The following SPTBN1 variants were observed in gnomAD, a reference collection of about 807,000 sequenced individuals.
SPTBN1 encodes spectrin beta, non-erythrocytic 1, also known as spectrin beta chain, non-erythrocytic 1.
SPTBN1 carries 32 observed loss-of-function variants against 266.4 expected under a neutral mutation model. The observed-to-expected ratio is 0.12, with a 90% CI of 0.09 to 0.16. SPTBN1 has a LOEUF of 0.16. Ranked by LOEUF, SPTBN1 falls within the 10% of genes least tolerant of loss-of-function variation. The probability of loss-of-function intolerance (pLI) is 1.00; values close to 1 mark genes in which losing one functional copy is unlikely to be tolerated. For missense variants in SPTBN1, 2,296 were observed against 3,067.1 expected, an observed-to-expected ratio of 0.75 and a Z score of 5.94; for synonymous variants, 1,336 against 1,162.2, an observed-to-expected ratio of 1.15 and a Z score of -3.04.
At chr2:54,599,497 G>T (rs1273672192) in intron 3 of SPTBN1, among the ~76,000 whole-genome samples, 1 of 152,168 alleles carries the variant, frequency 6.6e-6, no homozygotes, top group Non-Finnish European at 1.5e-5. Context: ...AAAGAACTTG[G>T]CTGGGGTTCC....
At position 54,671,016 on chromosome 2, in the gene SPTBN1, C is replaced by T. The variant is rs1681666412; in HGVS notation, c.*2447C>T. The T allele has an allele frequency of 2.6e-6, 1 of 390,226 alleles. No homozygotes were observed. The highest frequency in any genetic ancestry group is 4.5e-6 in the Non-Finnish European group (1 of 221,592). The allele number at this position is 390,226 out of a possible 1,614,324, so 24.2% of individuals were successfully genotyped here. On this transcript the variant is annotated 3_prime_UTR_variant, in exon 36 of 36. Transcript: ENST00000356805. ...TGAGGATTTTGCATATTTCTTGTTG[C>T]CATAATGCTGTGCTATTTTACCCTG...
intron 2 of SPTBN1, among the ~76,000 whole-genome samples, chr2:54,548,428 CAG>C (rs1672375521): frequency 1.3e-5 from 2 of 152,252 alleles, no homozygotes; most frequent in African/African-American, 4.8e-5. Flanking sequence ...AGAACATAAA[CAG>C]ATATCACTCA....
intron 29 of SPTBN1, among the ~76,000 whole-genome samples, chr2:54,657,646 C>G (rs771330307): frequency 9.9e-5 from 15 of 152,132 alleles, no homozygotes; most frequent in Non-Finnish European, 1.9e-4. Context: ...TTTATTTTTA[C>G]TCTTTTTAAT....
chr2:54,582,744 C>G (rs2104580755), intron 2 of SPTBN1, among the ~76,000 whole-genome samples: 1 of 152,156 alleles, frequency 6.6e-6, no homozygotes, highest in East Asian at 1.9e-4. Context: ...GGCTTGAACC[C>G]CATTTCATAT....
chr2:54,571,135 T>C (rs10166844), intron 2 of SPTBN1, among the ~76,000 whole-genome samples: 47,902 of 151,652 alleles, frequency 0.32, 9,254 homozygotes, highest in African/African-American at 0.55. Flanking sequence ...GTGGGGGTGG[T>C]CAGGAGAGCA....
intron 2 of SPTBN1, among the ~76,000 whole-genome samples, chr2:54,596,538 C>A (rs977274530): frequency 6.6e-6 from 1 of 152,098 alleles, no homozygotes; most frequent in African/African-American, 2.4e-5. Context: ...TCTTTTCCAA[C>A]GTGGGGGTGT....
intron 1 of SPTBN1, among the ~76,000 whole-genome samples, chr2:54,476,892 C>A (rs775539395): frequency 6.6e-5 from 10 of 152,090 alleles, no homozygotes; most frequent in Admixed American, 2.0e-4. Flanking sequence ...ACTTTTTCTT[C>A]ATTTAGTTGC....
At position 54,631,052 on chromosome 2, in the gene SPTBN1, A is replaced by T; in HGVS notation, c.3005A>T (p.Glu1002Val). The change falls in exon 16 of 36, where the codon GAG becomes GTG. Residue 1002 changes from glutamate (E) to valine (V), a missense_variant. Physicochemically the swap from Glu to Val is moderately radical, Grantham distance 121 (BLOSUM62 -2). Coordinates refer to ENST00000356805, the MANE Select transcript of SPTBN1 (RefSeq NM_003128.3). ...CTGCAGCGCAAGCTGACCGGCATGG[A>T]GCGGGACTTGGTGGCCATTGAGGCA... ...MALQRKLTGM[E>V]RDLVAIEAKL... is the part of the protein sequence containing the mutation. 1 of 1,613,930 alleles carries T rather than the reference A, an allele frequency of 6.2e-7. No homozygotes were observed. Among genetic ancestry groups the T allele is most frequent in the Non-Finnish European group, 8.5e-7 (1 of 1,179,854 alleles).
At chr2:54,579,520 A>G (rs940081340) in intron 2 of SPTBN1, among the ~76,000 whole-genome samples, 9 of 152,226 alleles carry the variant, frequency 5.9e-5, no homozygotes, top group Non-Finnish European at 8.8e-5. Flanking sequence ...CGCACGTGCT[A>G]TATAGCTCTC....
At chr2:54,557,581 G>T (rs554840096) in intron 2 of SPTBN1, among the ~76,000 whole-genome samples, 1 of 152,128 alleles carries the variant, frequency 6.6e-6, no homozygotes, top group African/African-American at 2.4e-5. Context: ...TTACAAATCA[G>T]AGTAGGAATT....
At chr2:54,467,271 T>C (rs1001134738) in intron 1 of SPTBN1, among the ~76,000 whole-genome samples, 3 of 152,116 alleles carry the variant, frequency 2.0e-5, no homozygotes, top group African/African-American at 4.8e-5. Flanking sequence ...TTTTTCTCTT[T>C]ATCTTATTTA....
Position 54,632,604 on chromosome 2 carries a change from G to T in SPTBN1, c.3603G>T (p.Leu1201Phe), listed in dbSNP as rs879216166. 2.5e-6 allele frequency: 4 copies of T among 1,614,194 alleles called. No individual in the cohort carries two copies. In the Admixed American group the frequency reaches 5.0e-5, roughly 20 times the overall value. The change falls in exon 17 of 36, where the codon TTG (leucine) becomes TTT (phenylalanine). Residue 1201 changes from leucine (L) to phenylalanine (F), a missense_variant. Coordinates refer to ENST00000356805, the MANE Select transcript of SPTBN1 (RefSeq NM_003128.3). Reference protein sequence around the residue: ...VLAHTEMPTTLEGAEAAIKKQ... With the variant: ...VLAHTEMPTTFEGAEAAIKKQ... ...CTCACACTGAAATGCCTACCACCTT[G>T]GAAGGAGCTGAAGCAGCAATTAAAA...
intron 2 of SPTBN1, among the ~76,000 whole-genome samples, chr2:54,580,473 G>A (rs1674817129): frequency 1.3e-5 from 2 of 152,030 alleles, no homozygotes; most frequent in Non-Finnish European, 2.9e-5. Flanking sequence ...CACATTATCA[G>A]GAAAACAATT....
At chr2:54,617,232 G>A (rs548550527) in intron 5 of SPTBN1, among the ~76,000 whole-genome samples, 9 of 152,318 alleles carry the variant, frequency 5.9e-5, no homozygotes, top group South Asian at 2.1e-4. Context: ...CCAAAGTAAC[G>A]TGTGACAAGG....
At position 54,646,580 on chromosome 2, in the gene SPTBN1, C is replaced by G. The variant is rs1012208274; in HGVS notation, c.4866+105C>G. The G allele has an allele frequency of 6.0e-6, 8 of 1,324,502 alleles. No homozygotes were observed. The highest frequency in any genetic ancestry group is 2.6e-5 in the East Asian group (1 of 37,980). The allele number at this position is 1,324,502 out of a possible 1,614,324, so 82.0% of individuals were successfully genotyped here. A position where few individuals can be genotyped will look rare whatever the true frequency, so the allele number is the denominator to read the frequency against. ...GTCTGTATAAAAACTTCCCTTGTAG[C>G]CTTTGAGTGTTAAGGGGACACCATG... On this transcript the variant is annotated intron_variant, in intron 23 of 35. Transcript: ENST00000356805. This position sits in a 1 kb window ranked among gnomAD's most constrained non-coding sequence, Gnocchi z 4.4.
At chr2:54,466,353 T>G (rs6755780) in intron 1 of SPTBN1, among the ~76,000 whole-genome samples, 1,212 of 67,498 alleles carry the variant, frequency 0.018, 188 homozygotes, top group African/African-American at 0.038. Context: ...AGTATGTTTA[T>G]TCTTCGAGAC....
At position 54,616,251 on chromosome 2, in the gene SPTBN1, A is replaced by G. The variant is rs754254060; in HGVS notation, c.519A>G (p.Lys173=). 6 of 1,613,960 alleles carry G rather than the reference A, an allele frequency of 3.7e-6. No homozygotes were observed. The highest frequency in any genetic ancestry group is 4.2e-6 in the Non-Finnish European group (5 of 1,179,948). ...SVETEDNKEK[K]SAKDALLLWC... is the part of the protein sequence containing the mutation. ...AAACTGAAGACAACAAAGAGAAGAA[A>G]TCTGCCAAGGATGCATTGCTGTTGT... Residue 173 remains lysine, a synonymous_variant, in exon 5 of 36, where the codon AAA becomes AAG. Transcript: ENST00000356805.
At position 54,669,081 on chromosome 2, in the gene SPTBN1, A is replaced by G. The variant is rs552822381; in HGVS notation, c.*512A>G. ...TATGATCTTGCTGCAGCCACAGTGC[A>G]GCTCCACATTAACTCTACAGACCAA... On this transcript the variant is annotated 3_prime_UTR_variant, in exon 36 of 36. Coordinates refer to ENST00000356805, the MANE Select transcript of SPTBN1 (RefSeq NM_003128.3). The G allele has an allele frequency of 1.2e-5, 2 of 165,262 alleles. No homozygotes were observed. The highest frequency in any genetic ancestry group is 3.5e-4 in the East Asian group (2 of 5,698). 10.2% of individuals were successfully genotyped at this position (165,262 alleles called of 1,614,324 possible).
chr2:54,539,008 T>TG (rs1671780354), intron 2 of SPTBN1, among the ~76,000 whole-genome samples: 1 of 152,216 alleles, frequency 6.6e-6, no homozygotes, highest in Non-Finnish European at 1.5e-5. Context: ...CTTGCCTGTA[T>TG]GGTTCACAGT....
Sources: allele counts gnomAD v4.1 joint callset (sites outside exome capture counted in the v4.1 genomes callset), GRCh38; gene constraint gnomAD v4.1.1; non-coding constraint Gnocchi (gnomAD v3.1); transcripts MANE v1.5; gene names NCBI Gene and HGNC (gene_info 2026-07-23, HGNC 2026-07-21).